Variants in CDH23 observed in about 807,000 individuals in gnomAD.
The protein encoded by CDH23 is cadherin related 23, also known as cadherin-23.
CDH23 carries 189 observed loss-of-function variants against 317.1 expected under a neutral mutation model. The observed-to-expected ratio is 0.60, with a 90% CI of 0.53 to 0.67. The LOEUF (loss-of-function observed/expected upper bound fraction) is 0.67, where lower values mean the gene tolerates loss of function less well. Among genes scored for constraint, CDH23 ranks in the 30% least tolerant of loss-of-function variants. CDH23 has a pLI of 0.00. For missense variants in CDH23, 4,401 were observed against 4,592.4 expected (o/e 0.96, Z 1.20); for synonymous variants, 1,839 against 1,876.8 (o/e 0.98, Z 0.52).
rs1841307581 is a variant in CDH23 at position 71,793,130 on chromosome 10, C to CT, written c.6254-49dup. 12 of 1,387,644 alleles carry CT rather than the reference C, an allele frequency of 8.6e-6. No homozygotes were observed. The South Asian group carries it at 1.4e-4, about 17-fold the overall frequency. 86.0% of individuals were successfully genotyped at this position (1,387,644 alleles called of 1,614,324 possible). A position where few individuals can be genotyped will look rare whatever the true frequency, so the allele number is the denominator to read the frequency against. ...CACCAACAAATGTGTCTTGGTAGAT[C>CT]TTTCTGGAAGAGGCCACTGTGCGCA... is the stretch of plus-strand genomic sequence containing the variant. On this transcript the variant is annotated intron_variant, in intron 47 of 69. Coordinates refer to ENST00000224721, the MANE Select transcript of CDH23 (RefSeq NM_022124.6).
At chr10:71,672,572 T>C (rs1384592888) in intron 14 of CDH23, among the ~76,000 whole-genome samples, 1 of 152,174 alleles carries the variant, frequency 6.6e-6, no homozygotes, top group Non-Finnish European at 1.5e-5. Flanking sequence ...TCTTCCCTGA[T>C]CAGCATCCGC....
Position 71,657,733 on chromosome 10 carries a change from C to G in CDH23, c.1449+11116C>G, listed in dbSNP as rs565014993. On this transcript the variant is annotated intron_variant, in intron 14 of 69. Transcript: ENST00000224721. Reference sequence around the variant, plus strand: ...TGCCAGGTATCCTCCCTCCCCACCCCCTCCTGACACCCCCACCATTGGCAT... The same window carrying G: ...TGCCAGGTATCCTCCCTCCCCACCCGCTCCTGACACCCCCACCATTGGCAT... Among the ~76,000 whole-genome samples the G allele has an allele frequency of 1.1e-4, 17 of 152,194 alleles. No homozygotes were observed. In the South Asian group the frequency reaches 3.1e-3, roughly 28 times the overall value.
At chr10:71,786,063 G>T (rs531771209) in intron 44 of CDH23, among the ~76,000 whole-genome samples, 1 of 152,312 alleles carries the variant, frequency 6.6e-6, no homozygotes, top group East Asian at 1.9e-4. Flanking sequence ...AACTATCATT[G>T]TTTCCTCCCC....
chr10:71,759,422 A>G (rs995016899), intron 38 of CDH23, among the ~76,000 whole-genome samples: 1 of 152,092 alleles, frequency 6.6e-6, no homozygotes, highest in Non-Finnish European at 1.5e-5. Context: ...CAGGAAGATC[A>G]CTTGCATCTG....
rs76067646 is a variant in CDH23 at position 71,535,575 on chromosome 10, C to T, written c.429+24363C>T. Among the ~76,000 whole-genome samples, 1,105 of 152,368 alleles carry T rather than the reference C, an allele frequency of 7.3e-3. 5 individuals are homozygous for T. Among genetic ancestry groups the T allele is most frequent in the Admixed American group, 0.012 (177 of 15,312 alleles). On this transcript the variant is annotated intron_variant, in intron 6 of 69. Coordinates refer to ENST00000224721, the MANE Select transcript of CDH23 (RefSeq NM_022124.6). The stretch of plus-strand genomic sequence containing the variant: ...GAAGAAAGCTTCATCCATAGACAGA[C>T]ACCCTCGCATGGGCTTTCACCATGT...
rs779608695 is a variant in CDH23, at chr10:71,811,935, C to T, written c.9320-20C>T. 1.4e-5 allele frequency: 22 copies of T among 1,613,686 alleles called. No individual in the cohort carries two copies. The highest frequency in any genetic ancestry group is 8.0e-5 in the African/African-American group (6 of 74,892). On this transcript the variant is annotated intron_variant, in intron 65 of 69. Coordinates refer to ENST00000224721, the MANE Select transcript of CDH23 (RefSeq NM_022124.6). ...CTGGCTATGCCCCTCCCCTCCATGC[C>T]CCAACCCTTCTCCCTGCAGGGAATC...
chr10:71,734,338 C>A lies in CDH23; in HGVS notation c.4203C>A (p.Thr1401=). 1.2e-6 allele frequency: 2 copies of A among 1,606,092 alleles called. No individual in the cohort carries two copies. The highest frequency in any genetic ancestry group is 1.7e-6 in the Non-Finnish European group (2 of 1,176,212). ...ADDGGPKVDS[T]VKVYITVLDE... is the part of the protein sequence containing the mutation. ...ACGGCGGCCCCAAGGTGGACTCCACCGTGGTGAGTGGGACCAGGGTGAGAG... is the reference window on the plus strand; with the variant it reads ...ACGGCGGCCCCAAGGTGGACTCCACAGTGGTGAGTGGGACCAGGGTGAGAG... The change falls in exon 33 of 70, where the codon ACC becomes ACA. Residue 1401 remains threonine (T), a synonymous_variant. Transcript: ENST00000224721.
chr10:71,442,564 G>A (rs371529888), intron 2 of CDH23, among the ~76,000 whole-genome samples: 1 of 151,938 alleles, frequency 6.6e-6, no homozygotes, highest in Non-Finnish European at 1.5e-5. Flanking sequence ...TTGCCAGCCT[G>A]CCTTCTCTCT....
chr10:71,500,805 T>TC (rs759703103), intron 3 of CDH23, among the ~76,000 whole-genome samples: 47 of 142,034 alleles, frequency 3.3e-4, no homozygotes, highest in East Asian at 4.2e-4. Flanking sequence ...TTTTCTTTTC[T>TC]TTTCTTTTCT....
At chr10:71,607,901 TCAAAA>T (rs1860627173) in intron 9 of CDH23, among the ~76,000 whole-genome samples, 1 of 152,020 alleles carries the variant, frequency 6.6e-6, no homozygotes, top group South Asian at 2.1e-4. Context: ...AAACTCTGTC[TCAAAA>T]CAAAAGGAAA....
intron 11 of CDH23, among the ~76,000 whole-genome samples, chr10:71,627,303 A>C (rs1861782160): frequency 6.6e-6 from 1 of 152,178 alleles, no homozygotes; most frequent in African/African-American, 2.4e-5. Flanking sequence ...AGCTAGAGGG[A>C]GCGGACAGCC....
intron 38 of CDH23, chr10:71,761,509 C>G (rs1034532970): frequency 7.1e-6 from 10 of 1,408,466 alleles, no homozygotes; most frequent in Non-Finnish European, 9.4e-7. Context: ...CAGCCTCACA[C>G]TCTGCCCAGC....
At chr10:71,423,641 GA>G (rs1486216331) in intron 1 of CDH23, among the ~76,000 whole-genome samples, 1 of 152,188 alleles carries the variant, frequency 6.6e-6, no homozygotes, top group Non-Finnish European at 1.5e-5. Flanking sequence ...AGCTTTAGGG[GA>G]GACTCAGCCT....
At chr10:71,553,634 G>A (rs182451192) in intron 6 of CDH23, among the ~76,000 whole-genome samples, 25 of 152,372 alleles carry the variant, frequency 1.6e-4, no homozygotes, top group Admixed American at 3.9e-4. Context: ...GAGCTGCGTT[G>A]CTGGAGCTGT....
intron 54 of CDH23, 64 bp downstream of exon 54, chr10:71,803,139 C>A (rs1221567743): frequency 1.9e-6 from 3 of 1,603,074 alleles, no homozygotes; most frequent in Admixed American, 1.7e-5. Flanking sequence ...CCTGCCAGCC[C>A]AGGCCAGGAG....
In CDH23 at chr10:71,799,474, C is replaced by T. The variant is rs1448570811; in HGVS notation, c.7225-18C>T. The T allele has an allele frequency of 1.9e-6, 3 of 1,613,936 alleles. No individual in the cohort carries two copies. The highest frequency in any genetic ancestry group is 2.5e-6 in the Non-Finnish European group (3 of 1,179,854). On this transcript the variant is annotated intron_variant, in intron 51 of 69. Transcript: ENST00000224721. ...ACTGACCTTGGCCTACTCTCTCTCC[C>T]TGCCCCCTGGGCTCCAGGAGGCTGT...
At chr10:71,759,914 C>CATATACACACACAT (rs1564779319) in intron 38 of CDH23, among the ~76,000 whole-genome samples, 1 of 56,820 alleles carries the variant, frequency 1.8e-5, no homozygotes, top group Non-Finnish European at 4.5e-5. Flanking sequence ...TACACACACA[C>CATATACACACACAT]ATATATACAC....
Position 71,441,636 on chromosome 10 carries a change from C to T in CDH23, c.67+1738C>T, listed in dbSNP as rs558494096. On this transcript the variant is annotated intron_variant, in intron 2 of 69. Transcript: ENST00000224721. ...ACTTGGGAGGCTGAGGCACAAGAATCGCTGGAACCCAGGAGGCGGAGGTTG... is the reference window on the plus strand; with the variant it reads ...ACTTGGGAGGCTGAGGCACAAGAATTGCTGGAACCCAGGAGGCGGAGGTTG... Among the ~76,000 whole-genome samples the T allele has an allele frequency of 3.9e-5, 6 of 151,900 alleles. No individual in the cohort carries two copies. In the East Asian group the frequency reaches 7.7e-4, roughly 20 times the overall value.
intron 19 of CDH23, among the ~76,000 whole-genome samples, chr10:71,688,536 CCAGGGATGGTGGAGT>C (rs1865004063): frequency 1.9e-5 from 2 of 106,668 alleles, no homozygotes; most frequent in African/African-American, 3.7e-5. Flanking sequence ...GGTGGTGGAA[CCAGGGATGGTGGAGT>C]CAGGGATGGT....
Sources: allele counts gnomAD v4.1 joint callset (sites outside exome capture counted in the v4.1 genomes callset), GRCh38; gene constraint gnomAD v4.1.1; transcripts MANE v1.5; gene names NCBI Gene and HGNC (gene_info 2026-07-23, HGNC 2026-07-21).